The following CDH12 variants were observed in gnomAD, a reference collection of about 807,000 sequenced individuals.
CDH12 encodes the protein cadherin 12, also known as cadherin-12.
A neutral mutation model predicts 74.1 loss-of-function variants in CDH12; 41 were observed. The ratio of observed to expected loss-of-function variants is 0.55; its 90% CI spans 0.43 to 0.72. The LOEUF is 0.72. Ranked by LOEUF, CDH12 falls within the 30% of genes least tolerant of loss-of-function variation. The pLI is 0.00. For synonymous variants in CDH12, 399 were observed against 355.0 expected (o/e 1.12, Z -1.39); for missense variants, 945 against 977.2 (o/e 0.97, Z 0.44).
At chr5:22,197,144 C>T (rs1750664728) in intron 4 of CDH12, among the ~76,000 whole-genome samples, 1 of 152,008 alleles carries the variant, frequency 6.6e-6, no homozygotes, top group Admixed American at 6.6e-5. Context: ...AATACCTCAA[C>T]TTAAAGAATG....
At chr5:22,654,393 G>A (rs1275192209) in intron 1 of CDH12, among the ~76,000 whole-genome samples, 3 of 151,774 alleles carry the variant, frequency 2.0e-5, no homozygotes, top group Non-Finnish European at 4.4e-5. Context: ...AGGTTCAAGC[G>A]ATTCTCCTGC....
intron 6 of CDH12, chr5:21,884,193 G>A (rs890898548): frequency 2.5e-6 from 4 of 1,585,478 alleles, no homozygotes; most frequent in Non-Finnish European, 3.5e-6. Flanking sequence ...TGCTGCTGGT[G>A]TGGCCTCTCT....
chr5:21,994,151 G>T (rs1736129851), intron 5 of CDH12, among the ~76,000 whole-genome samples: 1 of 151,462 alleles, frequency 6.6e-6, no homozygotes, highest in Admixed American at 6.6e-5. Flanking sequence ...TCTTAGGTCT[G>T]GCCAATAATC....
intron 4 of CDH12, among the ~76,000 whole-genome samples, chr5:22,177,017 C>T: frequency 6.6e-6 from 1 of 152,120 alleles, no homozygotes; most frequent in Non-Finnish European, 1.5e-5. Flanking sequence ...TGCTACCCTC[C>T]AACCCTGCCT....
chr5:22,743,021 C>T (rs1051360387), intron 1 of CDH12, among the ~76,000 whole-genome samples: 2 of 151,180 alleles, frequency 1.3e-5, no homozygotes, highest in African/African-American at 4.8e-5. Context: ...AAAGGCTAAC[C>T]CTCCCTCAAA....
chr5:21,816,344 C>T (rs1023594985), intron 9 of CDH12, among the ~76,000 whole-genome samples: 2 of 151,860 alleles, frequency 1.3e-5, no homozygotes, highest in Non-Finnish European at 2.9e-5. Context: ...ACAGTATATA[C>T]GGCTGGGTGT....
Position 22,809,708 on chromosome 5 carries a change from T to C in CDH12, c.-523+43350A>G, listed in dbSNP as rs117397729. Among the ~76,000 whole-genome samples, 42 of 152,158 alleles carry C rather than the reference T, an allele frequency of 2.8e-4. No homozygotes were observed. The East Asian group carries it at 7.7e-3, about 28-fold the overall frequency. On this transcript the variant is annotated intron_variant, in intron 1 of 14. Transcript: ENST00000382254. ...CATTAAAAACTGCAGAAGGTAGATA[T>C]CATTTCAGGATTGATTCTGATACTG...
intron 1 of CDH12, among the ~76,000 whole-genome samples, chr5:22,765,498 T>G (rs1029252748): frequency 6.6e-6 from 1 of 151,990 alleles, no homozygotes; most frequent in African/African-American, 2.4e-5. Context: ...TTGGAAGACC[T>G]GGAGTCCCAT....
At chr5:22,742,825 T>C (rs934101393) in intron 1 of CDH12, among the ~76,000 whole-genome samples, 7 of 151,836 alleles carry the variant, frequency 4.6e-5, no homozygotes, top group African/African-American at 9.7e-5. Flanking sequence ...TATGTGGTGG[T>C]TAATTTTATG....
chr5:22,400,679 C>T (rs773727607), intron 3 of CDH12, among the ~76,000 whole-genome samples: 2 of 152,062 alleles, frequency 1.3e-5, no homozygotes, highest in African/African-American at 2.4e-5. Context: ...ATTAGATCAT[C>T]ATATATTTTG....
intron 4 of CDH12, among the ~76,000 whole-genome samples, chr5:22,135,742 G>A (rs1429472763): frequency 1.3e-5 from 2 of 152,026 alleles, no homozygotes; most frequent in African/African-American, 4.8e-5. Flanking sequence ...AAGCTGGAAC[G>A]TCTGACTGGT....
intron 3 of CDH12, among the ~76,000 whole-genome samples, chr5:22,400,987 T>C (rs1050099331): frequency 3.3e-5 from 5 of 152,170 alleles, no homozygotes; most frequent in Admixed American, 3.3e-4. Context: ...AGCATCACAT[T>C]GTACTCAACT....
chr5:22,336,609 C>A (rs1395350972), intron 3 of CDH12, among the ~76,000 whole-genome samples: 1 of 152,206 alleles, frequency 6.6e-6, no homozygotes, highest in Non-Finnish European at 1.5e-5. Flanking sequence ...GTGCAAGCCA[C>A]AAGCCTTAGC....
intron 6 of CDH12, among the ~76,000 whole-genome samples, chr5:21,918,978 A>G (rs1382773724): frequency 6.6e-6 from 1 of 152,202 alleles, no homozygotes; most frequent in Non-Finnish European, 1.5e-5. Context: ...TAGATGCTTG[A>G]AAAGTAAAAT....
intron 8 of CDH12, among the ~76,000 whole-genome samples, chr5:21,837,156 T>C (rs78794053): frequency 0.02 from 3,077 of 152,114 alleles, 80 homozygotes; most frequent in African/African-American, 0.058. Flanking sequence ...TGGGAATATA[T>C]ATGCAACTCA....
At chr5:22,129,863 AC>A (rs1746088195) in intron 4 of CDH12, among the ~76,000 whole-genome samples, 1 of 152,070 alleles carries the variant, frequency 6.6e-6, no homozygotes, top group South Asian at 2.1e-4. Context: ...ATCAATATAA[AC>A]TTTTGCCAGA....
chr5:22,607,659 C>A (rs185255999), intron 1 of CDH12, among the ~76,000 whole-genome samples: 1 of 152,308 alleles, frequency 6.6e-6, no homozygotes, highest in Non-Finnish European at 1.5e-5. Context: ...ACACAGCTAA[C>A]CATATCACAG....
intron 5 of CDH12, among the ~76,000 whole-genome samples, chr5:22,024,419 C>A (rs1580128736): frequency 6.6e-6 from 1 of 152,290 alleles, no homozygotes. Context: ...TCTAAAAAAT[C>A]TAGCATATAT....
At chr5:21,938,721 T>C (rs1271336855) in intron 6 of CDH12, among the ~76,000 whole-genome samples, 2 of 110,290 alleles carry the variant, frequency 1.8e-5, no homozygotes, top group Non-Finnish European at 3.5e-5. Flanking sequence ...ATATATAATA[T>C]ACATATATAT....
Sources: allele counts gnomAD v4.1 joint callset (sites outside exome capture counted in the v4.1 genomes callset), GRCh38; gene constraint gnomAD v4.1.1; transcripts MANE v1.5; gene names NCBI Gene and HGNC (gene_info 2026-07-23, HGNC 2026-07-21).